The following INPP4B variants were observed in gnomAD, a reference collection of about 807,000 sequenced individuals.
The protein encoded by INPP4B is inositol polyphosphate 4-phosphatase type II.
Under a neutral mutation model 122.5 loss-of-function variants are expected in INPP4B, and 55 were observed. The ratio of observed to expected loss-of-function variants is 0.45; its 90% confidence interval spans 0.36 to 0.56. INPP4B has a LOEUF of 0.56. Among genes scored for constraint, INPP4B ranks in the 20% least tolerant of loss-of-function variants. INPP4B has a pLI of 0.00. For missense variants in INPP4B, 1,000 were observed against 1,097.7 expected (o/e 0.91, Z 1.26); for synonymous variants, 403 against 388.7 (o/e 1.04, Z -0.43).
At chr4:142,642,336 T>C (rs1317501733) in intron 2 of INPP4B, among the ~76,000 whole-genome samples, 2 of 152,264 alleles carry the variant, frequency 1.3e-5, no homozygotes, top group African/African-American at 4.8e-5. Flanking sequence ...ACATGAAGTC[T>C]TTGCACATGC....
intron 1 of INPP4B, among the ~76,000 whole-genome samples, chr4:142,796,908 GTGTGTGTC>G (rs750112714): frequency 0.034 from 4,640 of 134,830 alleles, 79 homozygotes; most frequent in Middle Eastern, 0.062. Context: ...GTGTGTGTGT[GTGTGTGTC>G]TGTGTGTAAT....
chr4:142,716,596 A>G (rs181963721), intron 2 of INPP4B, among the ~76,000 whole-genome samples: 1 of 152,338 alleles, frequency 6.6e-6, no homozygotes, highest in East Asian at 1.9e-4. Context: ...ATGGCTATGA[A>G]TAATTCTGCT....
intron 18 of INPP4B, among the ~76,000 whole-genome samples, chr4:142,134,591 T>C (rs1303791110): frequency 6.6e-6 from 1 of 151,650 alleles, no homozygotes; most frequent in Non-Finnish European, 1.5e-5. Context: ...AGGTCGGGAG[T>C]TCGAGATCAG....
At chr4:142,307,194 G>A (rs1452968537) in intron 8 of INPP4B, among the ~76,000 whole-genome samples, 2 of 152,046 alleles carry the variant, frequency 1.3e-5, no homozygotes, top group African/African-American at 4.8e-5. Context: ...TTTCAGCCAG[G>A]GGCAGAGAGG....
chr4:142,108,269 A>G (rs1247895986), intron 22 of INPP4B, 79 bp from the exon 23 acceptor site: 4 of 734,152 alleles, frequency 5.4e-6, no homozygotes, highest in Non-Finnish European at 7.1e-6. Flanking sequence ...TCCTTTTTAA[A>G]TAGATTAGAA....
At chr4:142,323,127 A>T (rs1770752431) in intron 7 of INPP4B, among the ~76,000 whole-genome samples, 1 of 152,214 alleles carries the variant, frequency 6.6e-6, no homozygotes, top group South Asian at 2.1e-4. Context: ...AGGCCCTCAG[A>T]CATTTTTAGG....
rs1335128867 is a variant in INPP4B at position 142,270,576 on chromosome 4, A to T, written c.615+87T>A. ...TTAGGTTTTGATAATGAGATTTCAA[A>T]CCCCACAGAGATGTTGGTGAGACAG... On this transcript the variant is annotated intron_variant, in intron 10 of 25. Coordinates refer to ENST00000262992, the MANE Select transcript of INPP4B (RefSeq NM_001101669.3). The T allele has an allele frequency of 3.4e-6, 3 of 889,626 alleles. No homozygotes were observed. In the African/African-American group the frequency reaches 5.0e-5, roughly 15 times the overall value. The allele number at this position is 889,626 out of a possible 1,614,324, so 55.1% of individuals were successfully genotyped here. A position where few individuals can be genotyped will look rare whatever the true frequency, so the allele number is the denominator to read the frequency against.
intron 7 of INPP4B, among the ~76,000 whole-genome samples, chr4:142,390,055 C>G (rs957999343): frequency 6.6e-6 from 1 of 152,012 alleles, no homozygotes; most frequent in Admixed American, 6.6e-5. Flanking sequence ...ACAAAACAGA[C>G]CTTTCTTAGA....
chr4:142,458,805 C>T (rs1816077790), intron 3 of INPP4B, among the ~76,000 whole-genome samples: 2 of 152,152 alleles, frequency 1.3e-5, no homozygotes, highest in African/African-American at 2.4e-5. Flanking sequence ...AACAGTAGAA[C>T]AGGCTTCTGT....
At chr4:142,503,985 A>T (rs1268808793) in intron 2 of INPP4B, among the ~76,000 whole-genome samples, 1 of 152,058 alleles carries the variant, frequency 6.6e-6, no homozygotes, top group Non-Finnish European at 1.5e-5. Context: ...AAACAAAAAC[A>T]TTAGGAGACA....
chr4:142,371,134 T>C (rs2148702089), intron 7 of INPP4B, among the ~76,000 whole-genome samples: 1 of 151,758 alleles, frequency 6.6e-6, no homozygotes, highest in Middle Eastern at 3.4e-3. Context: ...TCACAGCCAA[T>C]TAACTTTCAA....
intron 2 of INPP4B, among the ~76,000 whole-genome samples, chr4:142,603,064 T>A (rs1028640433): frequency 6.6e-6 from 1 of 152,100 alleles, no homozygotes; most frequent in Non-Finnish European, 1.5e-5. Flanking sequence ...AGGAACAAGA[T>A]CATGTCCTTT....
At chr4:142,284,382 G>A (rs1752569841) in intron 9 of INPP4B, among the ~76,000 whole-genome samples, 1 of 152,128 alleles carries the variant, frequency 6.6e-6, no homozygotes, top group East Asian at 1.9e-4. Flanking sequence ...TAAAACACTA[G>A]ACAGAAGACG....
In INPP4B at chr4:142,085,343, C is replaced by A. The variant is rs149759900; in HGVS notation, c.2487+801G>T. On this transcript the variant is annotated intron_variant, in intron 24 of 25. Transcript: ENST00000262992. ...ATGCAAGAAGCATGGTTAACCTGAG[C>A]TCCAAATTATAAGAGTAACACTGCA... Among the ~76,000 whole-genome samples, 965 of 152,302 alleles carry A rather than the reference C, an allele frequency of 6.3e-3. 14 individuals carry two copies. The highest frequency in any genetic ancestry group is 0.022 in the African/African-American group (912 of 41,560).
At chr4:142,282,830 C>T (rs938816938) in intron 9 of INPP4B, among the ~76,000 whole-genome samples, 3 of 151,946 alleles carry the variant, frequency 2.0e-5, no homozygotes, top group African/African-American at 2.4e-5. Flanking sequence ...AATCAAGGGG[C>T]GGGTGTTATG....
intron 2 of INPP4B, among the ~76,000 whole-genome samples, chr4:142,605,554 T>C (rs1005579758): frequency 2.6e-5 from 4 of 151,856 alleles, no homozygotes; most frequent in African/African-American, 9.7e-5. Context: ...CTTCAAAATA[T>C]ATAAAGAACT....
chr4:142,781,304 G>A (rs1774778472), intron 1 of INPP4B, among the ~76,000 whole-genome samples: 1 of 152,196 alleles, frequency 6.6e-6, no homozygotes, highest in Admixed American at 6.5e-5. Flanking sequence ...TTCCTCTGCT[G>A]ATGAGTCATC....
intron 9 of INPP4B, among the ~76,000 whole-genome samples, chr4:142,302,166 C>A (rs944856195): frequency 3.9e-5 from 6 of 152,004 alleles, no homozygotes; most frequent in Non-Finnish European, 8.8e-5. Context: ...GCCTTCAATC[C>A]CCCCTTAAAC....
chr4:142,120,425 T>C (rs1322254394), intron 21 of INPP4B, among the ~76,000 whole-genome samples: 2 of 152,134 alleles, frequency 1.3e-5, no homozygotes, highest in African/African-American at 4.8e-5. Flanking sequence ...TTATGGAGAA[T>C]TACTAAACAA....
Sources: gnomAD v4.1 joint callset for allele counts (sites outside exome capture counted in the v4.1 genomes callset) on GRCh38, gnomAD v4.1.1 for gene constraint, MANE v1.5 for transcripts, NCBI Gene and HGNC (gene_info 2026-07-23, HGNC 2026-07-21) for gene names.